Variants in SPPL3 observed in about 807,000 individuals in gnomAD.
SPPL3 encodes the protein signal peptide peptidase like 3.
SPPL3 carries 5 observed loss-of-function variants against 42.4 expected under a neutral mutation model. The observed-to-expected ratio is 0.12, with a 90% CI of 0.06 to 0.25. The LOEUF (loss-of-function observed/expected upper bound fraction) is 0.25. Among genes scored for constraint, SPPL3 ranks in the 10% least tolerant of loss-of-function variants. The pLI is 1.00. For missense variants in SPPL3, 235 were observed against 489.0 expected (o/e 0.48, Z 4.90); for synonymous variants, 195 against 181.8 (o/e 1.07, Z -0.58).
intron 1 of SPPL3, among the ~76,000 whole-genome samples, chr12:120,820,921 C>T (rs1288429060): frequency 6.6e-6 from 1 of 152,034 alleles, no homozygotes; most frequent in Non-Finnish European, 1.5e-5. Context: ...ATGGAGATCC[C>T]ACCTCCACAA....
chr12:120,809,276 T>C (rs1003996575), intron 2 of SPPL3, among the ~76,000 whole-genome samples: 31 of 151,438 alleles, frequency 2.0e-4, no homozygotes, highest in Admixed American at 6.6e-5. Flanking sequence ...ACCCAGGAGG[T>C]GGAGCTTGCA....
chr12:120,817,676 T>C (rs1377557518), intron 1 of SPPL3, among the ~76,000 whole-genome samples: 1 of 152,212 alleles, frequency 6.6e-6, no homozygotes, highest in African/African-American at 2.4e-5. Context: ...TCTGCTAGAC[T>C]GCTTTATCCC....
At chr12:120,852,009 T>C (rs1170602002) in intron 1 of SPPL3, among the ~76,000 whole-genome samples, 1 of 152,246 alleles carries the variant, frequency 6.6e-6, no homozygotes, top group African/African-American at 2.4e-5. Context: ...AGTGATTTAA[T>C]GCTGAATTGT....
At chr12:120,792,483 C>T (rs955665490) in intron 2 of SPPL3, among the ~76,000 whole-genome samples, 4 of 151,946 alleles carry the variant, frequency 2.6e-5, no homozygotes, top group South Asian at 2.1e-4. Flanking sequence ...GGGCAGATCA[C>T]GAGGTCAGAA....
chr12:120,786,816 G>GT (rs1157610399), intron 3 of SPPL3, among the ~76,000 whole-genome samples: 1 of 152,092 alleles, frequency 6.6e-6, no homozygotes, highest in Non-Finnish European at 1.5e-5. Context: ...AAAGAAAGAG[G>GT]TAATTAATTA....
At chr12:120,863,786 G>C (rs1477305633) in intron 1 of SPPL3, among the ~76,000 whole-genome samples, 1 of 150,932 alleles carries the variant, frequency 6.6e-6, no homozygotes, top group Non-Finnish European at 1.5e-5. Context: ...GGCCCACAGG[G>C]TCAAGTCACC....
intron 1 of SPPL3, among the ~76,000 whole-genome samples, chr12:120,812,984 C>G (rs1487867417): frequency 6.6e-6 from 1 of 152,084 alleles, no homozygotes; most frequent in Admixed American, 6.5e-5. Context: ...GGAGTGACCA[C>G]TGGGTAAAGT....
At chr12:120,781,556 T>G (rs1051230838) in intron 6 of SPPL3, among the ~76,000 whole-genome samples, 4 of 2,708 alleles carry the variant, frequency 1.5e-3, no homozygotes, top group Admixed American at 0.024. Context: ...TATTGTTACG[T>G]TTTTTTTTTT....
At chr12:120,870,711 T>C (rs1293301885) in intron 1 of SPPL3, among the ~76,000 whole-genome samples, 3 of 151,908 alleles carry the variant, frequency 2.0e-5, no homozygotes, top group Admixed American at 6.6e-5. Context: ...CCTGAAGACA[T>C]GATAAGTGAA....
intron 1 of SPPL3, among the ~76,000 whole-genome samples, chr12:120,829,820 C>T (rs547882473): frequency 6.6e-6 from 1 of 151,924 alleles, no homozygotes; most frequent in African/African-American, 2.4e-5. Context: ...ATGGTAAAAC[C>T]CTGTTTCTAC....
chr12:120,882,193 T>G (rs1873306715), intron 1 of SPPL3, among the ~76,000 whole-genome samples: 1 of 152,096 alleles, frequency 6.6e-6, no homozygotes, highest in South Asian at 2.1e-4. Context: ...ATAACCATCT[T>G]GGTTATCAGA....
At chr12:120,810,480 T>G (rs1185761331) in intron 2 of SPPL3, among the ~76,000 whole-genome samples, 1 of 152,220 alleles carries the variant, frequency 6.6e-6, no homozygotes, top group Non-Finnish European at 1.5e-5. Flanking sequence ...ATTTAAACTC[T>G]TTGTTCCCTT....
At chr12:120,850,492 T>TAAAAAAAAAAAAAAAAAAA (rs11413210) in intron 1 of SPPL3, among the ~76,000 whole-genome samples, 1 of 119,394 alleles carries the variant, frequency 8.4e-6, no homozygotes. Context: ...GACCAGCCTT[T>TAAAAAAAAAAAAAAAAAAA]AAAAAAAAAA....
At chr12:120,847,162 A>G (rs1484438009) in intron 1 of SPPL3, among the ~76,000 whole-genome samples, 9 of 152,226 alleles carry the variant, frequency 5.9e-5, no homozygotes, top group Admixed American at 5.9e-4. Context: ...GAGAAAAAAT[A>G]AATTCAAACA....
At chr12:120,768,916 AAAG>A (rs747786381) in intron 7 of SPPL3, 34 bp downstream of exon 7, 2 of 1,545,792 alleles carry the variant, frequency 1.3e-6, no homozygotes, top group Non-Finnish European at 1.8e-6. Context: ...ACTTCAACAC[AAAG>A]AAGGGGAGGA....
At position 120,763,271 on chromosome 12, in the gene SPPL3, C is replaced by T. The variant is rs892881643; in HGVS notation, c.*1728G>A. The T allele has an allele frequency of 6.6e-6, 1 of 152,490 alleles. No individual in the cohort carries two copies. Among genetic ancestry groups the T allele is most frequent in the African/African-American group, 2.4e-5 (1 of 41,440 alleles). The allele number at this position is 152,490 out of a possible 1,614,324, so 9.4% of individuals were successfully genotyped here. A position where few individuals can be genotyped will look rare whatever the true frequency, so the allele number is the denominator to read the frequency against. On this transcript the variant is annotated 3_prime_UTR_variant, in exon 11 of 11. Coordinates refer to ENST00000353487, the MANE Select transcript of SPPL3 (RefSeq NM_139015.5). ...TTATTAAAAACAAAACCCCAGAAACCCCTCAGCAGGAATTGATGACAACAA... is the reference window on the plus strand; with the variant it reads ...TTATTAAAAACAAAACCCCAGAAACTCCTCAGCAGGAATTGATGACAACAA...
chr12:120,851,589 C>T (rs541917037), intron 1 of SPPL3, among the ~76,000 whole-genome samples: 2 of 152,138 alleles, frequency 1.3e-5, no homozygotes, highest in Non-Finnish European at 2.9e-5. Flanking sequence ...CTGCCACTCT[C>T]GTTTCCTGTT....
chr12:120,852,799 T>C (rs1872291109), intron 1 of SPPL3, among the ~76,000 whole-genome samples: 2 of 100,278 alleles, frequency 2.0e-5, no homozygotes, highest in Non-Finnish European at 4.2e-5. Flanking sequence ...ATATATCATA[T>C]ATACATATAT....
intron 1 of SPPL3, among the ~76,000 whole-genome samples, chr12:120,823,972 A>G (rs1411323751): frequency 3.3e-5 from 5 of 151,168 alleles, no homozygotes; most frequent in South Asian, 2.1e-4. Context: ...CCGGGTTCAC[A>G]CCATTCTCCT....
Sources: allele counts gnomAD v4.1 joint callset (sites outside exome capture counted in the v4.1 genomes callset), GRCh38; gene constraint gnomAD v4.1.1; transcripts MANE v1.5; gene names NCBI Gene and HGNC (gene_info 2026-07-23, HGNC 2026-07-21).